Variants in RNF168 observed in about 807,000 individuals in gnomAD.
RNF168 encodes ring finger protein 168.
In RNF168, 34 loss-of-function variants were observed where a neutral mutation model predicts 34.9. That is an observed-to-expected ratio of 0.97 (90% CI 0.74 to 1.30). The LOEUF is 1.30. Among genes scored for constraint, RNF168 ranks in the 50% most tolerant of loss-of-function variants. The pLI is 0.00. For missense variants in RNF168, 725 were observed against 682.5 expected (o/e 1.06, Z -0.69); for synonymous variants, 264 against 254.7 (o/e 1.04, Z -0.35).
rs755085531 is a variant in RNF168, at chr3:196,472,559, A to AT, written c.975dup (p.Cys326MetfsTer9). ...TTAGGTCGCTCGTGACTTAAGACAC[A>AT]TAACTCTTTCCCATGATTGCTTGGT... is the stretch of plus-strand genomic sequence containing the variant. On this transcript the variant is annotated frameshift_variant, in exon 6 of 6. Transcript: ENST00000318037. LOFTEE classifies it low-confidence loss of function (END_TRUNC). 5 of 1,614,234 alleles carry AT rather than the reference A, an allele frequency of 3.1e-6. No homozygotes were observed. The highest frequency in any genetic ancestry group is 4.2e-6 in the Non-Finnish European group (5 of 1,180,050).
At chr3:196,497,073 G>T (rs776359682) in intron 1 of RNF168, among the ~76,000 whole-genome samples, 1 of 152,028 alleles carries the variant, frequency 6.6e-6, no homozygotes, top group Non-Finnish European at 1.5e-5. Flanking sequence ...TTGAACCTGG[G>T]AGGCAGAGGA....
intron 1 of RNF168, among the ~76,000 whole-genome samples, chr3:196,495,119 A>C (rs1479056445): frequency 6.6e-6 from 1 of 152,100 alleles, no homozygotes; most frequent in Non-Finnish European, 1.5e-5. Context: ...AGTATGATAA[A>C]CCCCCGTTTA....
chr3:196,488,306 C>T (rs1289839158), intron 2 of RNF168, among the ~76,000 whole-genome samples: 2 of 151,850 alleles, frequency 1.3e-5, no homozygotes, highest in African/African-American at 4.8e-5. Context: ...ACTGTGAAAC[C>T]CCATCTCTAC....
chr3:196,474,328 G>A (rs751552033), intron 5 of RNF168, among the ~76,000 whole-genome samples: 6 of 150,534 alleles, frequency 4.0e-5, no homozygotes, highest in South Asian at 2.1e-4. Flanking sequence ...GTAGAGATGG[G>A]GTTTCACCAC....
chr3:196,484,816 C>A (rs879889016), intron 3 of RNF168, among the ~76,000 whole-genome samples: 2 of 151,994 alleles, frequency 1.3e-5, no homozygotes, highest in Non-Finnish European at 1.5e-5. Flanking sequence ...CCATGCCCAG[C>A]TACTTTTTTT....
At chr3:196,478,106 T>A (rs1356298105) in intron 4 of RNF168, among the ~76,000 whole-genome samples, 2 of 152,202 alleles carry the variant, frequency 1.3e-5, no homozygotes, top group Non-Finnish European at 2.9e-5. Context: ...AGGAAATATA[T>A]GTCATCAACC....
intron 4 of RNF168, among the ~76,000 whole-genome samples, chr3:196,475,702 C>G (rs1383539950): frequency 1.3e-5 from 2 of 151,526 alleles, no homozygotes; most frequent in African/African-American, 4.8e-5. Flanking sequence ...AGGCGCCCAC[C>G]ACCACGCCCG....
At chr3:196,496,483 GA>G (rs547731825) in intron 1 of RNF168, among the ~76,000 whole-genome samples, 114 of 152,216 alleles carry the variant, frequency 7.5e-4, no homozygotes, top group African/African-American at 2.7e-3. Context: ...TTTTTATAAG[GA>G]AACCAGTCAT....
intron 1 of RNF168, among the ~76,000 whole-genome samples, chr3:196,498,931 G>T (rs1380370132): frequency 6.6e-6 from 1 of 151,678 alleles, no homozygotes; most frequent in Admixed American, 6.6e-5. Context: ...GGAGACGGAG[G>T]TTGCAGTGAG....
intron 4 of RNF168, among the ~76,000 whole-genome samples, chr3:196,475,591 C>G (rs1224904395): frequency 6.8e-6 from 1 of 146,436 alleles, no homozygotes; most frequent in Non-Finnish European, 1.5e-5. Flanking sequence ...CGCTCTGTCA[C>G]CCAGGCTGGA....
chr3:196,490,119 A>G, intron 1 of RNF168, among the ~76,000 whole-genome samples: 1 of 152,204 alleles, frequency 6.6e-6, no homozygotes, highest in East Asian at 1.9e-4. Context: ...CAAACCTAAA[A>G]GCTAATCCAA....
At chr3:196,487,372 A>G in intron 3 of RNF168, 27 bp downstream of exon 3, 2 of 1,582,650 alleles carry the variant, frequency 1.3e-6, no homozygotes, top group South Asian at 2.2e-5. Flanking sequence ...GGATGACCAT[A>G]CCTTAGCGTT....
chr3:196,472,732 T>C lies in RNF168; in HGVS notation c.803A>G (p.Asp268Gly), dbSNP rs1359923335. ...SSDRKSPTGQ[D>G]TEIEDMPTLS... ...TGTCGGCATATCTTCTATTTCTGTG[T>C]CTTGCCCTGTTGGGCTTTTCCTATC... Residue 268 changes from aspartate (D) to glycine (G), a missense_variant, in exon 6 of 6, where the codon GAC becomes GGC. Coordinates refer to ENST00000318037, the MANE Select transcript of RNF168 (RefSeq NM_152617.4). The C allele has an allele frequency of 1.2e-6, 2 of 1,610,490 alleles. No homozygotes were observed. The highest frequency in any genetic ancestry group is 1.7e-5 in the Admixed American group (1 of 59,932).
Position 196,471,750 on chromosome 3 carries a change from G to A in RNF168, c.*69C>T. On this transcript the variant is annotated 3_prime_UTR_variant, in exon 6 of 6. Transcript: ENST00000318037. ...GCAGCATGAATGACACATGGATGAA[G>A]ATTCCATGATAGGAAAGAGCTTCAC... The A allele has an allele frequency of 3.0e-6, 3 of 1,009,790 alleles. No homozygotes were observed. Among genetic ancestry groups the A allele is most frequent in the Admixed American group, 1.7e-5 (1 of 58,380 alleles). The allele number at this position is 1,009,790 out of a possible 1,614,324, so 62.6% of individuals were successfully genotyped here.
intron 1 of RNF168, among the ~76,000 whole-genome samples, chr3:196,502,042 C>CA (rs1333309311): frequency 3.3e-4 from 13 of 39,884 alleles, no homozygotes; most frequent in African/African-American, 5.4e-4. Flanking sequence ...TAACTGTGAC[C>CA]AAAAAAAATT....
chr3:196,503,150 G>A lies in RNF168; in HGVS notation c.24C>T (p.Ile8=). 1 of 1,614,154 alleles carries A rather than the reference G, an allele frequency of 6.2e-7. No individual in the cohort carries two copies. The highest frequency in any genetic ancestry group is 8.5e-7 in the Non-Finnish European group (1 of 1,179,998). MALPKDA[I]PSLSECQCGI... ...CGCACTGGCACTCGGACAGCGAGGG[G>A]ATGGCGTCTTTGGGTAGAGCCATTT... is the stretch of plus-strand genomic sequence containing the variant. Residue 8 remains isoleucine (I), a synonymous_variant, in exon 1 of 6, where the codon ATC becomes ATT. Transcript: ENST00000318037.
At chr3:196,488,731 A>T (rs766309035) in intron 1 of RNF168, 48 bp from the exon 2 acceptor site, 2 of 1,243,496 alleles carry the variant, frequency 1.6e-6, no homozygotes, top group South Asian at 1.2e-5. Flanking sequence ...ACACAATTTT[A>T]TGGTAACTTT....
intron 3 of RNF168, among the ~76,000 whole-genome samples, chr3:196,485,729 G>GA (rs147286465): frequency 0.021 from 3,266 of 151,986 alleles, 125 homozygotes; most frequent in African/African-American, 0.075. Context: ...TCTCAAAAAA[G>GA]AAAAAAATTC....
At position 196,487,538 on chromosome 3, in the gene RNF168, T is replaced by C. The variant is rs972987783; in HGVS notation, c.419A>G (p.Lys140Arg). ...ERRASEEEEN[K>R]ASEEYIQRLL... is the part of the protein sequence containing the mutation. ...CCTCTGTATGTATTCTTCACTGGCT[T>C]TGTTTTCTTCTTCCTCGCTGGCCCG... is the stretch of plus-strand genomic sequence containing the variant. Residue 140 changes from lysine (K) to arginine (R), a missense_variant, in exon 3 of 6, where the codon AAA becomes AGA. Physicochemically the swap from Lys to Arg is conservative, Grantham distance 26. Coordinates refer to ENST00000318037, the MANE Select transcript of RNF168 (RefSeq NM_152617.4). 1 of 1,614,212 alleles carries C rather than the reference T, an allele frequency of 6.2e-7. No homozygotes were observed. Among genetic ancestry groups the C allele is most frequent in the Non-Finnish European group, 8.5e-7 (1 of 1,180,010 alleles).
Sources: gnomAD v4.1 joint callset for allele counts (sites outside exome capture counted in the v4.1 genomes callset) on GRCh38, gnomAD v4.1.1 for gene constraint, MANE v1.5 for transcripts, NCBI Gene and HGNC (gene_info 2026-07-23, HGNC 2026-07-21) for gene names.